Variants in STRADB observed in about 807,000 individuals in gnomAD.
STRADB encodes STE20 related adaptor beta, also known as STE20-related kinase adapter protein beta.
Under a neutral mutation model 52.1 loss-of-function variants are expected in STRADB, and 34 were observed. That is an observed-to-expected ratio of 0.65 (90% CI 0.50 to 0.87). STRADB has a LOEUF of 0.87. Among genes scored for constraint, STRADB ranks in the 40% least tolerant of loss-of-function variants. The pLI, the probability that STRADB is intolerant of heterozygous loss-of-function variation, is 0.00. For missense variants in STRADB, 340 were observed against 483.9 expected (o/e 0.70, Z 2.79); for synonymous variants, 133 against 174.5 (o/e 0.76, Z 1.87).
intron 2 of STRADB, among the ~76,000 whole-genome samples, chr2:201,455,353 A>G (rs540662073): frequency 1.3e-5 from 2 of 152,298 alleles, no homozygotes; most frequent in South Asian, 2.1e-4. Context: ...GAGGACTTTC[A>G]TCCTGTTTTA....
At chr2:201,470,341 T>C (rs1004783281) in intron 4 of STRADB, among the ~76,000 whole-genome samples, 1 of 152,226 alleles carries the variant, frequency 6.6e-6, no homozygotes, top group Non-Finnish European at 1.5e-5. Flanking sequence ...ATCTATTTTA[T>C]GGGTATAATT....
rs574481407 is a variant in STRADB at position 201,471,070 on chromosome 2, C to T, written c.193+1018C>T. ...TCCTTCACTCCGTACTCCAGTTGGCCAAGCATAGGTCGCATGCCAGGGTCA... is the reference window on the plus strand; with the variant it reads ...TCCTTCACTCCGTACTCCAGTTGGCTAAGCATAGGTCGCATGCCAGGGTCA... On this transcript the variant is annotated intron_variant, in intron 4 of 11. Transcript: ENST00000194530. Among the ~76,000 whole-genome samples the T allele has an allele frequency of 4.6e-5, 7 of 152,256 alleles. No homozygotes were observed. In the South Asian group the frequency reaches 1.5e-3, roughly 32 times the overall value.
chr2:201,477,052 GTTTTTTT>G (rs1221462406), intron 7 of STRADB, among the ~76,000 whole-genome samples: 25 of 57,056 alleles, frequency 4.4e-4, no homozygotes, highest in African/African-American at 1.8e-3. Flanking sequence ...AATATTATCA[GTTTTTTT>G]TTTTTTTTTT....
At chr2:201,478,286 G>A in intron 9 of STRADB, 71 bp from the exon 10 acceptor site, 9 of 1,598,494 alleles carry the variant, frequency 5.6e-6, no homozygotes, top group Non-Finnish European at 6.0e-6. Context: ...TAGACTCTTA[G>A]GAGCTTTATT....
rs747731282 is a variant in STRADB, at chr2:201,479,516, T to C, written c.1098T>C (p.His366=). 2.5e-5 allele frequency: 40 copies of C among 1,603,416 alleles called. No homozygotes were observed. The highest frequency in any genetic ancestry group is 4.2e-6 in the Non-Finnish European group (5 of 1,177,784). ...CATCAGCAAGCAGTTTATTGTCCCA[T>C]GTTTTCTTCAAACAGGTGAGCTGAT... ...KRPSASSLLS[H]VFFKQMKEES... Residue 366 remains histidine (H), a synonymous_variant, in exon 11 of 12, where the codon CAT becomes CAC. Transcript: ENST00000194530.
intron 5 of STRADB, among the ~76,000 whole-genome samples, chr2:201,474,015 C>G (rs918658858): frequency 1.4e-4 from 21 of 151,932 alleles, no homozygotes; most frequent in African/African-American, 5.1e-4. Flanking sequence ...CCCAGCCTCC[C>G]GAGTAGCTGG....
Position 201,480,816 on chromosome 2 carries a change from G to T in STRADB, c.*641G>T. 1 of 985,574 alleles carries T rather than the reference G, an allele frequency of 1.0e-6. No homozygotes were observed. The highest frequency in any genetic ancestry group is 1.2e-6 in the Non-Finnish European group (1 of 829,894). The allele number at this position is 985,574 out of a possible 1,614,324, so 61.1% of individuals were successfully genotyped here. On this transcript the variant is annotated 3_prime_UTR_variant, in exon 12 of 12. Transcript: ENST00000194530. The stretch of plus-strand genomic sequence containing the variant: ...TATAGATCCTAAATTCACGCACCCC[G>T]TGGGAGCTCAATAAAGATTTACTGA...
chr2:201,475,372 G>A (rs1451317076), intron 6 of STRADB, among the ~76,000 whole-genome samples: 2 of 151,952 alleles, frequency 1.3e-5, no homozygotes, highest in Non-Finnish European at 2.9e-5. Context: ...TATACACACA[G>A]AATGTATTTT....
chr2:201,462,715 G>A (rs1952234789), intron 3 of STRADB, among the ~76,000 whole-genome samples: 1 of 152,002 alleles, frequency 6.6e-6, no homozygotes, highest in Non-Finnish European at 1.5e-5. Flanking sequence ...AGTTTTTATG[G>A]TTTCTATTTA....
chr2:201,480,385 T>C lies in STRADB; in HGVS notation c.*210T>C, dbSNP rs541502208. On this transcript the variant is annotated 3_prime_UTR_variant, in exon 12 of 12. Coordinates refer to ENST00000194530, the MANE Select transcript of STRADB (RefSeq NM_018571.6). ...GTACTATGACAAGGAAACATCAGAA[T>C]TACTAATCTAGCTAGTGTCATTTAT... 1.5e-6 allele frequency: 2 copies of C among 1,346,570 alleles called. No homozygotes were observed. Among genetic ancestry groups the C allele is most frequent in the Admixed American group, 6.9e-5 (2 of 28,978 alleles). 83.4% of individuals were successfully genotyped at this position (1,346,570 alleles called of 1,614,324 possible).
chr2:201,466,069 C>G (rs2125676817), intron 3 of STRADB, among the ~76,000 whole-genome samples: 1 of 152,248 alleles, frequency 6.6e-6, no homozygotes, highest in East Asian at 1.9e-4. Flanking sequence ...ACAAAGGTGC[C>G]TTCTTGTTTG....
intron 1 of STRADB, among the ~76,000 whole-genome samples, chr2:201,452,344 C>G (rs1952058576): frequency 6.6e-6 from 1 of 152,248 alleles, no homozygotes; most frequent in African/African-American, 2.4e-5. Context: ...CTGCCGCCTT[C>G]TGCAAGTTCG....
rs1334771207 is a variant in STRADB, at chr2:201,477,741, A to G, written c.671A>G (p.Gln224Arg). Residue 224 changes from glutamine to arginine, a missense_variant, in exon 8 of 12, where the codon CAG becomes CGG. Gln to Arg is a conservative substitution (Grantham distance 43). Coordinates refer to ENST00000194530, the MANE Select transcript of STRADB (RefSeq NM_018571.6). ...QRHRAVYDFP[Q>R]FSTSVQPWLS... ...CATAGGGCTGTGTATGATTTCCCAC[A>G]GTTCAGCACATCAGTGCAGCCGTGG... 6.2e-7 allele frequency: 1 copy of G among 1,613,620 alleles called. No individual in the cohort carries two copies. Among genetic ancestry groups the G allele is most frequent in the African/African-American group, 1.3e-5 (1 of 75,040 alleles).
rs535301583 is a variant in STRADB at position 201,472,534 on chromosome 2, A to G, written c.194-421A>G. On this transcript the variant is annotated intron_variant, in intron 4 of 11. Transcript: ENST00000194530. ...TGACAACTGTGTTCTTTTTGATACCATTTATGTGACAAAAATCAGATTGGT... is the reference window on the plus strand; with the variant it reads ...TGACAACTGTGTTCTTTTTGATACCGTTTATGTGACAAAAATCAGATTGGT... Among the ~76,000 whole-genome samples, 9 of 152,352 alleles carry G rather than the reference A, an allele frequency of 5.9e-5. No homozygotes were observed. In the East Asian group the frequency reaches 1.7e-3, roughly 29 times the overall value.
At chr2:201,466,644 T>C (rs2125677146) in intron 3 of STRADB, among the ~76,000 whole-genome samples, 1 of 152,368 alleles carries the variant, frequency 6.6e-6, no homozygotes, top group East Asian at 1.9e-4. Flanking sequence ...AAGTGATTTA[T>C]GTCTCCTATA....
intron 8 of STRADB, 72 bp from the exon 9 acceptor site, chr2:201,478,015 A>G: frequency 5.1e-6 from 7 of 1,372,386 alleles, no homozygotes; most frequent in South Asian, 2.8e-5. Context: ...TTCTTTATCA[A>G]AAAAGCACAT....
In STRADB at chr2:201,479,474, T is replaced by C; in HGVS notation, c.1071-15T>C. ...TATAAAGGTTTTTTTTTTATAACTT[T>C]CTTAAAAATTTCAGGCCATCAGCAA... On this transcript the variant is annotated splice_polypyrimidine_tract_variant and intron_variant, in intron 10 of 11. Transcript: ENST00000194530. 1 of 1,591,348 alleles carries C rather than the reference T, an allele frequency of 6.3e-7. No individual in the cohort carries two copies. Among genetic ancestry groups the C allele is most frequent in the South Asian group, 1.2e-5 (1 of 85,282 alleles).
At chr2:201,463,448 A>G (rs924740930) in intron 3 of STRADB, among the ~76,000 whole-genome samples, 4 of 151,228 alleles carry the variant, frequency 2.6e-5, no homozygotes, top group African/African-American at 7.3e-5. Flanking sequence ...GCCCCTTTAT[A>G]TGTTCTTTCT....
chr2:201,458,180 A>G (rs918265199), intron 2 of STRADB, among the ~76,000 whole-genome samples: 2 of 152,234 alleles, frequency 1.3e-5, no homozygotes, highest in African/African-American at 4.8e-5. Flanking sequence ...AATCACATGT[A>G]GGTGTTACAT....
Sources: allele counts gnomAD v4.1 joint callset (sites outside exome capture counted in the v4.1 genomes callset), GRCh38; gene constraint gnomAD v4.1.1; transcripts MANE v1.5; gene names NCBI Gene and HGNC (gene_info 2026-07-23, HGNC 2026-07-21).